SASH1: variants seen among roughly 807,000 people sequenced by gnomAD.
The protein encoded by SASH1 is SAM and SH3 domain containing 1, also known as SAM and SH3 domain-containing protein 1.
In SASH1, 44 loss-of-function variants were observed where a neutral mutation model predicts 125.2. The ratio of observed to expected loss-of-function variants is 0.35; its 90% CI spans 0.28 to 0.45. The LOEUF (loss-of-function observed/expected upper bound fraction) is 0.45, where lower values mean the gene tolerates loss of function less well. Ranked by LOEUF, SASH1 falls within the 20% of genes least tolerant of loss-of-function variation. The pLI is 1.00. For synonymous variants in SASH1, 639 were observed against 649.1 expected (o/e 0.98, Z 0.24); for missense variants, 1,426 against 1,614.5 (o/e 0.88, Z 2.00).
chr6:148,383,985 A>G (rs1229702484), intron 1 of SASH1, among the ~76,000 whole-genome samples: 1 of 152,150 alleles, frequency 6.6e-6, no homozygotes. Flanking sequence ...GGAAGATTAT[A>G]CAAGTTTGTT....
chr6:148,339,953 C>T (rs6907968), upstream of SASH1, among the ~76,000 whole-genome samples: 7 of 152,134 alleles, frequency 4.6e-5, no homozygotes, highest in African/African-American at 1.7e-4. Flanking sequence ...ATTAGTATGG[C>T]CTTGCCTCAT....
At chr6:148,392,163 C>G (rs62432276) in intron 2 of SASH1, among the ~76,000 whole-genome samples, 1 of 151,756 alleles carries the variant, frequency 6.6e-6, no homozygotes, top group Non-Finnish European at 1.5e-5. Context: ...GCGCATGCCT[C>G]TAATCCCAAC....
intron 13 of SASH1, 85 bp downstream of exon 13, chr6:148,531,746 G>A (rs532102296): frequency 2.6e-6 from 3 of 1,172,732 alleles, no homozygotes; most frequent in Non-Finnish European, 3.3e-6. Flanking sequence ...CAATTTCAAG[G>A]TGAATAAGAC....
chr6:148,414,979 T>G (rs1784767493), intron 2 of SASH1, among the ~76,000 whole-genome samples: 1 of 152,142 alleles, frequency 6.6e-6, no homozygotes, highest in Admixed American at 6.5e-5. Context: ...CCAGGAAGAG[T>G]TAATACATTT....
chr6:148,362,006 C>T (rs1332305287), intron 1 of SASH1, among the ~76,000 whole-genome samples: 4 of 149,664 alleles, frequency 2.7e-5, no homozygotes, highest in Admixed American at 6.7e-5. Flanking sequence ...CTCCGCCTCC[C>T]GGGTTCATGC....
chr6:148,287,942 A>T (rs1407607472), intron 1 of SASH1, among the ~76,000 whole-genome samples: 1 of 152,186 alleles, frequency 6.6e-6, no homozygotes, highest in Non-Finnish European at 1.5e-5. Flanking sequence ...TCTCTGGAAA[A>T]AGTAGGGCTT....
Position 148,442,123 on chromosome 6 carries a change from A to G in SASH1, c.386+1716A>G, listed in dbSNP as rs113215663. On this transcript the variant is annotated intron_variant, in intron 4 of 19. Transcript: ENST00000367467. Reference sequence around the variant, plus strand: ...CTTTTATGGCTGGGTGCAGTGGCTCAGGCCTGTAATTCCAGCACTTTGGGA... The same window carrying G: ...CTTTTATGGCTGGGTGCAGTGGCTCGGGCCTGTAATTCCAGCACTTTGGGA... Among the ~76,000 whole-genome samples, 464 of 152,276 alleles carry G rather than the reference A, an allele frequency of 3.0e-3. 2 individuals carry two copies. Among genetic ancestry groups the G allele is most frequent in the African/African-American group, 9.9e-3 (410 of 41,544 alleles).
chr6:148,540,014 T>TTACA (rs766320518), intron 16 of SASH1, among the ~76,000 whole-genome samples: 1 of 152,160 alleles, frequency 6.6e-6, no homozygotes, highest in African/African-American at 2.4e-5. Flanking sequence ...AGCACAAGTC[T>TTACA]TACAGATCTC....
At chr6:148,267,879 A>G (rs1778982127), upstream of SASH1, among the ~76,000 whole-genome samples, 1 of 152,218 alleles carries the variant, frequency 6.6e-6, no homozygotes, top group African/African-American at 2.4e-5. Context: ...ACAGCAAGCA[A>G]TTATGAGAAA....
intron 6 of SASH1, among the ~76,000 whole-genome samples, chr6:148,473,047 C>T (rs753631411): frequency 1.3e-5 from 2 of 152,158 alleles, no homozygotes; most frequent in Non-Finnish European, 2.9e-5. Flanking sequence ...TCTGTTTGCT[C>T]TGTAGGAAAA....
chr6:148,234,548 G>A, the SASH1 span, among the ~76,000 whole-genome samples: 16 of 152,058 alleles, frequency 1.1e-4, no homozygotes, highest in African/African-American at 2.2e-4. Flanking sequence ...GGAACTGGCC[G>A]GGCGTGGTGG....
chr6:148,316,613 C>A (rs1166394003), intron 1 of SASH1, among the ~76,000 whole-genome samples: 1 of 152,230 alleles, frequency 6.6e-6, no homozygotes, highest in Non-Finnish European at 1.5e-5. Context: ...TATCTGGAGT[C>A]TCCATTTTTC....
In SASH1 at chr6:148,544,654, T is replaced by C. The variant is rs780150836; in HGVS notation, c.3184T>C (p.Ser1062Pro). The C allele has an allele frequency of 6.2e-7, 1 of 1,613,292 alleles. No homozygotes were observed. The highest frequency in any genetic ancestry group is 1.3e-5 in the African/African-American group (1 of 74,972). ...AAGCACAAGGCCGCCCCCCTGGCTC[T>C]CAGAGCTCCCCGAGAACACAAGCCT... Reference protein sequence around the residue: ...PPSTRPPPWLSELPENTSLQE... With the variant: ...PPSTRPPPWLPELPENTSLQE... Residue 1062 changes from serine to proline, a missense_variant, in exon 18 of 20, where the codon TCA (serine) becomes CCA (proline). Ser to Pro is a moderately conservative substitution (Grantham distance 74). Coordinates refer to ENST00000367467, the MANE Select transcript of SASH1 (RefSeq NM_015278.5). The surrounding 1 kb of genome is among the most constrained non-coding windows in gnomAD (Gnocchi z 6.4).
At chr6:148,421,146 G>GAAGGAAGGAAGAAAGAAAGAAAAGA (rs1554254949) in intron 2 of SASH1, among the ~76,000 whole-genome samples, 7 of 71,192 alleles carry the variant, frequency 9.8e-5, no homozygotes, top group Non-Finnish European at 1.9e-4. Flanking sequence ...AGGAAGGAAG[G>GAAGGAAGGAAGAAAGAAAGAAAAGA]AAGAAAGAAA....
intron 1 of SASH1, among the ~76,000 whole-genome samples, chr6:148,351,336 C>G (rs902168508): frequency 1.3e-5 from 2 of 151,292 alleles, no homozygotes; most frequent in Non-Finnish European, 1.5e-5. Flanking sequence ...GTTTGCTCTT[C>G]AGACTAATGT....
At chr6:148,543,592 G>A in intron 17 of SASH1, 88 bp from the exon 18 acceptor site, 2 of 1,165,882 alleles carry the variant, frequency 1.7e-6, no homozygotes, top group Non-Finnish European at 2.4e-6. Flanking sequence ...GGGTGTTGGA[G>A]ATTTCAATTA....
At chr6:148,344,287 T>G (rs957231070) in intron 1 of SASH1, among the ~76,000 whole-genome samples, 3 of 152,334 alleles carry the variant, frequency 2.0e-5, no homozygotes, top group Non-Finnish European at 2.9e-5. Context: ...GACTTGCTTC[T>G]TGGGGTTTCT....
At chr6:148,271,120 G>T, upstream of SASH1, among the ~76,000 whole-genome samples, 1 of 152,028 alleles carries the variant, frequency 6.6e-6, no homozygotes, top group Non-Finnish European at 1.5e-5. Context: ...ATGTTGGTCA[G>T]GCTGGTCTCG....
chr6:148,234,911 T>G, the SASH1 span, among the ~76,000 whole-genome samples: 3 of 152,020 alleles, frequency 2.0e-5, no homozygotes, highest in Admixed American at 1.3e-4. Flanking sequence ...TGAAAATGCT[T>G]ATTCTCTAAC....
Sources: allele counts gnomAD v4.1 joint callset (sites outside exome capture counted in the v4.1 genomes callset), GRCh38; gene constraint gnomAD v4.1.1; non-coding constraint Gnocchi (gnomAD v3.1); transcripts MANE v1.5; gene names NCBI Gene and HGNC (gene_info 2026-07-23, HGNC 2026-07-21).